DNAH6: variants seen among roughly 807,000 people sequenced by gnomAD.
DNAH6 encodes dynein axonemal heavy chain 6.
Under a neutral mutation model 491.4 loss-of-function variants are expected in DNAH6, and 340 were observed. That is an observed-to-expected ratio of 0.69 (90% CI 0.63 to 0.76). The LOEUF (loss-of-function observed/expected upper bound fraction) is 0.76, where lower values mean the gene tolerates loss of function less well. DNAH6 is among the 30% of genes least tolerant of loss of function. The pLI is 0.00. For missense variants in DNAH6, 4,443 were observed against 4,972.2 expected (o/e 0.89, Z 3.20); for synonymous variants, 1,603 against 1,686.1 (o/e 0.95, Z 1.21).
intron 26 of DNAH6, among the ~76,000 whole-genome samples, chr2:84,623,677 A>G (rs1687603898): frequency 6.6e-6 from 1 of 152,202 alleles, no homozygotes; most frequent in Admixed American, 6.5e-5. Context: ...GGTTGGCCCA[A>G]GTGACATTTC....
Position 84,707,587 on chromosome 2 carries a change from T to C in DNAH6, c.8919T>C (p.Asp2973=). The C allele has an allele frequency of 1.3e-6, 2 of 1,552,132 alleles. No individual in the cohort carries two copies. The highest frequency in any genetic ancestry group is 3.9e-5 in the Admixed American group (2 of 51,018). The change falls in exon 54 of 77, where the codon GAT becomes GAC. Residue 2973 remains aspartate (D), a synonymous_variant. Transcript: ENST00000389394. The part of the protein sequence containing the change: ...RAGKLTAALE[D]EQVRWEESIQ... The stretch of plus-strand genomic sequence containing the variant: ...GAAAGCTGACAGCAGCATTAGAAGA[T>C]GAGCAGGTTCGATGGGAAGAAAGCA...
rs540852671 is a variant in DNAH6 at position 84,583,393 on chromosome 2, A to C, written c.2230-606A>C. On this transcript the variant is annotated intron_variant, in intron 14 of 76. Transcript: ENST00000389394. ...TAATACAACAAAAGAACAAAACAGA[A>C]AAAAAGAGGAAACATTTATAAGAGC... Among the ~76,000 whole-genome samples the C allele has an allele frequency of 3.3e-5, 5 of 152,246 alleles. No individual in the cohort carries two copies. In the East Asian group the frequency reaches 9.6e-4, roughly 29 times the overall value.
intron 15 of DNAH6, 131 bp downstream of exon 15, chr2:84,584,381 A>G (rs77122205): frequency 2.1e-6 from 2 of 932,932 alleles, no homozygotes; most frequent in South Asian, 1.8e-5. Context: ...TGATATACGT[A>G]TACATTGTGA....
chr2:84,703,993 C>T (rs1696191205), intron 50 of DNAH6, 74 bp from the exon 51 acceptor site: 2 of 1,141,142 alleles, frequency 1.8e-6, no homozygotes, highest in Non-Finnish European at 1.3e-6. Flanking sequence ...ATATGACTCA[C>T]TATTATTGGC....
At position 84,544,357 on chromosome 2, in the gene DNAH6, T is replaced by C; in HGVS notation, c.787T>C (p.Tyr263His). The part of the protein sequence containing the change: ...EIDRWEQEYL[Y>H]HRELTKIPIF... ...TGATCGATGGGAACAGGAATATCTG[T>C]ATCACAGAGAACTCACTAAGATTCC... Residue 263 changes from tyrosine to histidine, a missense_variant, in exon 5 of 77, where the codon TAT becomes CAT. Tyr to His is a moderately conservative substitution (Grantham distance 83). Coordinates refer to ENST00000389394, the MANE Select transcript of DNAH6 (RefSeq NM_001370.2). 6.5e-7 allele frequency: 1 copy of C among 1,545,018 alleles called. No homozygotes were observed. The highest frequency in any genetic ancestry group is 8.8e-7 in the Non-Finnish European group (1 of 1,141,130).
intron 49 of DNAH6, among the ~76,000 whole-genome samples, chr2:84,702,740 T>G (rs2104832327): frequency 6.6e-6 from 1 of 152,026 alleles, no homozygotes; most frequent in Non-Finnish European, 1.5e-5. Context: ...GATGGGGTTT[T>G]GCTGTAGCCA....
chr2:84,583,503 G>A (rs1042969736), intron 14 of DNAH6, among the ~76,000 whole-genome samples: 16 of 152,152 alleles, frequency 1.1e-4, no homozygotes, highest in African/African-American at 2.9e-4. Flanking sequence ...CAATTTGACC[G>A]TAACATTATA....
intron 37 of DNAH6, among the ~76,000 whole-genome samples, chr2:84,659,879 G>A (rs942230378): frequency 6.6e-6 from 1 of 152,136 alleles, no homozygotes. Context: ...CTACGTAGGA[G>A]GCTGAGGCAA....
chr2:84,756,191 G>A (rs1324940065), intron 63 of DNAH6, among the ~76,000 whole-genome samples: 1 of 152,182 alleles, frequency 6.6e-6, no homozygotes. Flanking sequence ...TATGTGGAGT[G>A]TTTCTCTCAA....
intron 31 of DNAH6, among the ~76,000 whole-genome samples, chr2:84,639,740 C>T (rs1471348702): frequency 6.6e-6 from 1 of 152,032 alleles, no homozygotes; most frequent in Non-Finnish European, 1.5e-5. Context: ...TATTTTTAAT[C>T]ACCTACTGTG....
rs1192289 is a variant in DNAH6, at chr2:84,697,495, G to A, written c.7525-80G>A. 85,014 of 1,354,870 alleles carry A rather than the reference G, an allele frequency of 0.063. 4,030 individuals carry two copies. The highest frequency in any genetic ancestry group is 0.24 in the African/African-American group (16,016 of 67,812). 83.9% of individuals were successfully genotyped at this position (1,354,870 alleles called of 1,614,324 possible). A position where few individuals can be genotyped will look rare whatever the true frequency, so the allele number is the denominator to read the frequency against. ...TCTTAAAGATGAAATTGATTCATGTGAATTTTAGAATAAATATTTGCTTTA... is the reference window on the plus strand; with the variant it reads ...TCTTAAAGATGAAATTGATTCATGTAAATTTTAGAATAAATATTTGCTTTA... On this transcript the variant is annotated intron_variant, in intron 46 of 76. Transcript: ENST00000389394.
chr2:84,674,201 A>G (rs1038501673), intron 40 of DNAH6, among the ~76,000 whole-genome samples: 5 of 152,208 alleles, frequency 3.3e-5, no homozygotes, highest in African/African-American at 7.2e-5. Context: ...GCCCTGTTTT[A>G]TAGATCAAGA....
Position 84,547,492 on chromosome 2 carries a change from G to A in DNAH6, c.1066G>A (p.Val356Met). 1.3e-6 allele frequency: 2 copies of A among 1,551,530 alleles called. No individual in the cohort carries two copies. Among genetic ancestry groups the A allele is most frequent in the Non-Finnish European group, 1.7e-6 (2 of 1,146,904 alleles). Reference protein sequence around the residue: ...KAAQVIRLAEVTERLGEFRNE... With the variant: ...KAAQVIRLAEMTERLGEFRNE... The stretch of plus-strand genomic sequence containing the variant: ...ACTGTACATATTCAACAATATCTAG[G>A]TGACAGAACGCCTAGGAGAATTTCG... Residue 356 changes from valine (V) to methionine (M), a missense_variant and splice_region_variant, in exon 7 of 77, where the codon GTG (valine) becomes ATG (methionine). Transcript: ENST00000389394.
intron 21 of DNAH6, among the ~76,000 whole-genome samples, chr2:84,609,494 G>A (rs964083441): frequency 1.3e-5 from 2 of 151,992 alleles, no homozygotes; most frequent in African/African-American, 2.4e-5. Context: ...CAGGGGGCAC[G>A]GAGGAGAAGA....
intron 42 of DNAH6, among the ~76,000 whole-genome samples, chr2:84,682,921 G>A (rs889033118): frequency 5.9e-5 from 9 of 152,112 alleles, no homozygotes; most frequent in South Asian, 4.2e-4. Context: ...CCTGTGTTGA[G>A]TCTCTGTGTG....
At chr2:84,651,284 A>T (rs574290619) in intron 33 of DNAH6, among the ~76,000 whole-genome samples, 2 of 152,140 alleles carry the variant, frequency 1.3e-5, no homozygotes, top group East Asian at 3.9e-4. Flanking sequence ...TATGGTCTAC[A>T]CTAATACCAA....
chr2:84,763,714 ATGTGTGTGTGTG>A (rs70953906), intron 64 of DNAH6, among the ~76,000 whole-genome samples: 1,760 of 126,880 alleles, frequency 0.014, 24 homozygotes, highest in African/African-American at 0.039. Context: ...AACTGATAGG[ATGTGTGTGTGTG>A]TGTGTGTGTG....
intron 46 of DNAH6, among the ~76,000 whole-genome samples, chr2:84,695,832 A>G (rs1007932147): frequency 6.6e-6 from 1 of 152,060 alleles, no homozygotes; most frequent in Non-Finnish European, 1.5e-5. Flanking sequence ...CAAACAAGTT[A>G]TGTAAAAAGT....
intron 29 of DNAH6, among the ~76,000 whole-genome samples, chr2:84,627,760 C>T (rs1260092648): frequency 6.6e-6 from 1 of 152,106 alleles, no homozygotes; most frequent in African/African-American, 2.4e-5. Context: ...TGTCTCTGTT[C>T]TCTGCTCTGG....
Sources: gnomAD v4.1 joint callset for allele counts (sites outside exome capture counted in the v4.1 genomes callset) on GRCh38, gnomAD v4.1.1 for gene constraint, MANE v1.5 for transcripts, NCBI Gene and HGNC (gene_info 2026-07-23, HGNC 2026-07-21) for gene names.